Variants in DYNC2H1 observed in about 807,000 individuals in gnomAD.
DYNC2H1 encodes dynein cytoplasmic 2 heavy chain 1, also known as cytoplasmic dynein 2 heavy chain 1.
In DYNC2H1, 410 loss-of-function variants were observed where a neutral mutation model predicts 570.0. The ratio of observed to expected loss-of-function variants is 0.72; its 90% CI spans 0.66 to 0.78. The LOEUF (loss-of-function observed/expected upper bound fraction) is 0.78, where lower values mean the gene tolerates loss of function less well. Ranked by LOEUF, DYNC2H1 falls within the 30% of genes least tolerant of loss-of-function variation. DYNC2H1 has a pLI of 0.00. For synonymous variants in DYNC2H1, 1,688 were observed against 1,677.6 expected, an observed-to-expected ratio of 1.01 and a Z score of -0.15; for missense variants, 4,865 against 5,046.4, an observed-to-expected ratio of 0.96 and a Z score of 1.09.
chr11:103,115,161 C>A lies in DYNC2H1; in HGVS notation c.503-16C>A. 2.5e-6 allele frequency: 4 copies of A among 1,577,680 alleles called. No homozygotes were observed. The African/African-American group carries it at 4.1e-5, about 16-fold the overall frequency. On this transcript the variant is annotated splice_polypyrimidine_tract_variant and intron_variant, in intron 3 of 88. Transcript: ENST00000375735. ...TGATATTCTATGCCATTTTTTTCCC[C>A]TCTTGACTTTTATAGGTATCCTTAC...
intron 84 of DYNC2H1, among the ~76,000 whole-genome samples, chr11:103,411,804 G>A (rs1793501): frequency 0.51 from 77,102 of 151,768 alleles, 19,853 homozygotes; most frequent in African/African-American, 0.6. Context: ...TATGTAGGAT[G>A]CAGATAATTT....
Position 103,205,974 on chromosome 11 carries a change from A to G in DYNC2H1, c.8454+1010A>G, listed in dbSNP as rs1161138124. ...TTACTTTTGGATGCTTTCGAACAGA[A>G]ATATTCTGACTCATTTTTTAATGGG... On this transcript the variant is annotated intron_variant, in intron 52 of 88. Coordinates refer to ENST00000375735, the MANE Select transcript of DYNC2H1 (RefSeq NM_001377.3). This position sits in a 1 kb window ranked among gnomAD's most constrained non-coding sequence, Gnocchi z 4.5. 2.0e-5 allele frequency among the ~76,000 whole-genome samples: 3 copies of G among 152,160 alleles called. No individual in the cohort carries two copies. The highest frequency in any genetic ancestry group is 4.4e-5 in the Non-Finnish European group (3 of 68,040).
In DYNC2H1 at chr11:103,255,475, T is replaced by C. The variant is rs774943092; in HGVS notation, c.10267T>C (p.Leu3423=). ...PDLEEQKTKL[L]QQEEDKKIQL... ...TTTAGAAGAACAGAAAACAAAACTA[T>C]TACAACAGGAAGAAGATAAGAAAAT... The change falls in exon 67 of 89, where the codon TTA becomes CTA. Residue 3423 remains leucine (L), a synonymous_variant. Transcript: ENST00000375735. 4.5e-6 allele frequency: 7 copies of C among 1,569,626 alleles called. No homozygotes were observed. The East Asian group carries it at 1.2e-4, about 26-fold the overall frequency.
chr11:103,161,886 A>G (rs1327085507), intron 29 of DYNC2H1, among the ~76,000 whole-genome samples: 2 of 152,206 alleles, frequency 1.3e-5, no homozygotes, highest in African/African-American at 4.8e-5. Flanking sequence ...TCAATTTCAA[A>G]TTATCTTCCA....
chr11:103,236,344 T>C, intron 62 of DYNC2H1, 86 bp from the exon 63 acceptor site: 4 of 851,618 alleles, frequency 4.7e-6, no homozygotes, highest in Non-Finnish European at 7.9e-6. Context: ...CATAGGACTT[T>C]TGTTTCGGAA....
At chr11:103,306,008 T>C (rs1867267160) in intron 77 of DYNC2H1, among the ~76,000 whole-genome samples, 1 of 152,142 alleles carries the variant, frequency 6.6e-6, no homozygotes. Flanking sequence ...ACCTCCCAAG[T>C]TCAAATGATT....
At chr11:103,417,660 G>T (rs1476076483) in intron 84 of DYNC2H1, among the ~76,000 whole-genome samples, 1 of 37,980 alleles carries the variant, frequency 2.6e-5, no homozygotes, top group Admixed American at 3.0e-4. Context: ...AGGCAGATCA[G>T]AGGTCAGGAT....
In DYNC2H1 at chr11:103,298,425, C is replaced by T. The variant is rs138788071; in HGVS notation, c.11096-4668C>T. Among the ~76,000 whole-genome samples, 14 of 152,130 alleles carry T rather than the reference C, an allele frequency of 9.2e-5. No homozygotes were observed. The East Asian group carries it at 2.5e-3, about 27-fold the overall frequency. Reference sequence around the variant, plus strand: ...TTACTGATTTTATAGTTTAACTCCCCATCAACTCTTTGAAATACTTATGGT... The same window carrying T: ...TTACTGATTTTATAGTTTAACTCCCTATCAACTCTTTGAAATACTTATGGT... On this transcript the variant is annotated intron_variant, in intron 75 of 88. Transcript: ENST00000375735.
chr11:103,357,282 A>G, intron 82 of DYNC2H1, among the ~76,000 whole-genome samples: 1 of 152,274 alleles, frequency 6.6e-6, no homozygotes, highest in East Asian at 1.9e-4. Context: ...TGATAAAGAA[A>G]CTGATAATAA....
intron 22 of DYNC2H1, 62 bp from the exon 23 acceptor site, chr11:103,154,379 TAACTTAATGA>T: frequency 7.5e-7 from 1 of 1,342,256 alleles, no homozygotes; most frequent in Non-Finnish European, 1.0e-6. Flanking sequence ...TGCAGTTAAG[TAACTTAATGA>T]TACTTAACAG....
intron 83 of DYNC2H1, among the ~76,000 whole-genome samples, chr11:103,392,228 C>T (rs1272790584): frequency 1.3e-5 from 2 of 152,232 alleles, no homozygotes; most frequent in Admixed American, 1.3e-4. Flanking sequence ...CCTCCTGCTG[C>T]CTTGCAGTTT....
chr11:103,459,385 TTAC>T (rs1323595001), intron 87 of DYNC2H1, among the ~76,000 whole-genome samples: 28 of 151,908 alleles, frequency 1.8e-4, no homozygotes, highest in Admixed American at 1.4e-3. Context: ...TGTTTTCGTA[TTAC>T]TACTATTTTC....
At chr11:103,287,010 G>A (rs914432976) in intron 74 of DYNC2H1, among the ~76,000 whole-genome samples, 13 of 152,194 alleles carry the variant, frequency 8.5e-5, no homozygotes, top group African/African-American at 3.1e-4. Context: ...TCATAGATAT[G>A]CATGAATCAG....
chr11:103,426,606 A>C (rs1364443360), intron 84 of DYNC2H1, among the ~76,000 whole-genome samples: 2 of 152,210 alleles, frequency 1.3e-5, no homozygotes, highest in East Asian at 3.8e-4. Flanking sequence ...GTTAGCTTGG[A>C]AGACTATATG....
At chr11:103,271,233 G>T (rs1368844452) in intron 70 of DYNC2H1, among the ~76,000 whole-genome samples, 1 of 152,160 alleles carries the variant, frequency 6.6e-6, no homozygotes, top group African/African-American at 2.4e-5. Flanking sequence ...TTTATAACTT[G>T]TGGCTACTAA....
chr11:103,454,729 T>G lies in DYNC2H1; in HGVS notation c.12457-457T>G, dbSNP rs530962062. The stretch of plus-strand genomic sequence containing the variant: ...TGAGTTGATTATTTAAAAACACCTT[T>G]TAACACAAAATTATTTCTTCTTGGA... On this transcript the variant is annotated intron_variant, in intron 85 of 88. Coordinates refer to ENST00000375735, the MANE Select transcript of DYNC2H1 (RefSeq NM_001377.3). Among the ~76,000 whole-genome samples, 12 of 152,312 alleles carry G rather than the reference T, an allele frequency of 7.9e-5. No homozygotes were observed. In the South Asian group the frequency reaches 1.2e-3, roughly 16 times the overall value.
chr11:103,192,897 G>T (rs1344896626), intron 47 of DYNC2H1, among the ~76,000 whole-genome samples: 1 of 152,100 alleles, frequency 6.6e-6, no homozygotes. Flanking sequence ...CTGCTGTCAG[G>T]CCACAAAAGG....
intron 32 of DYNC2H1, 58 bp downstream of exon 32, chr11:103,169,018 AT>A: frequency 7.1e-7 from 1 of 1,413,622 alleles, no homozygotes. Context: ...TGTAAAGAAA[AT>A]TTGTTATTGG....
At chr11:103,167,636 A>C (rs184451336) in intron 31 of DYNC2H1, among the ~76,000 whole-genome samples, 297 of 152,186 alleles carry the variant, frequency 2.0e-3, no homozygotes, top group South Asian at 0.011. Flanking sequence ...GGTACTTATT[A>C]TTGTCTTTTC....
Sources: allele counts gnomAD v4.1 joint callset (sites outside exome capture counted in the v4.1 genomes callset), GRCh38; gene constraint gnomAD v4.1.1; non-coding constraint Gnocchi (gnomAD v3.1); transcripts MANE v1.5; gene names NCBI Gene and HGNC (gene_info 2026-07-23, HGNC 2026-07-21).